Variants in TNR observed in about 807,000 individuals in gnomAD.
TNR encodes tenascin R.
Under a neutral mutation model 150.4 loss-of-function variants are expected in TNR, and 45 were observed. The ratio of observed to expected loss-of-function variants is 0.30; its 90% confidence interval spans 0.24 to 0.38. The LOEUF (loss-of-function observed/expected upper bound fraction) is 0.38, where lower values mean the gene tolerates loss of function less well. TNR is among the 10% of genes least tolerant of loss of function. The pLI is 1.00. For synonymous variants in TNR, 687 were observed against 678.4 expected, an observed-to-expected ratio of 1.01 and a Z score of -0.20; for missense variants, 1,544 against 1,759.1, an observed-to-expected ratio of 0.88 and a Z score of 2.19.
At chr1:175,335,896 A>G in intron 19 of TNR, 89 bp from the exon 20 acceptor site, 2 of 1,186,944 alleles carry the variant, frequency 1.7e-6, no homozygotes, top group Non-Finnish European at 2.4e-6. Context: ...GATAAGTAAA[A>G]TTGATATAAC....
intron 1 of TNR, among the ~76,000 whole-genome samples, chr1:175,593,982 A>ATCT (rs1317287676): frequency 1.3e-5 from 2 of 152,172 alleles, no homozygotes; most frequent in Non-Finnish European, 2.9e-5. Flanking sequence ...CACATGGTAG[A>ATCT]TCTTAGGAGG....
chr1:175,360,616 C>A (rs951914689), intron 14 of TNR, among the ~76,000 whole-genome samples: 2 of 152,160 alleles, frequency 1.3e-5, no homozygotes, highest in African/African-American at 4.8e-5. Context: ...CTTTTGAGAA[C>A]CAAGATCTGC....
intron 1 of TNR, among the ~76,000 whole-genome samples, chr1:175,710,441 T>C (rs1666979299): frequency 6.6e-6 from 1 of 152,088 alleles, no homozygotes; most frequent in Non-Finnish European, 1.5e-5. Context: ...AAAGCGTCTA[T>C]AGCTCAGTGA....
chr1:175,346,012 A>T (rs1169256084), intron 18 of TNR, among the ~76,000 whole-genome samples: 1 of 152,234 alleles, frequency 6.6e-6, no homozygotes, highest in African/African-American at 2.4e-5. Flanking sequence ...ATTTGAGAAG[A>T]TAATGGAATA....
At chr1:175,691,206 C>CAGAACAAGGTGGCTCTGCAGAG (rs1216012654) in intron 1 of TNR, among the ~76,000 whole-genome samples, 1 of 152,072 alleles carries the variant, frequency 6.6e-6, no homozygotes, top group Admixed American at 6.5e-5. Context: ...CTCTGCAGAG[C>CAGAACAAGGTGGCTCTGCAGAG]AGGATGGGAA....
At chr1:175,429,464 CA>C (rs1441509359) in intron 2 of TNR, among the ~76,000 whole-genome samples, 4 of 152,086 alleles carry the variant, frequency 2.6e-5, no homozygotes, top group African/African-American at 9.7e-5. Context: ...GTGAAATGGG[CA>C]AAATAGAGTT....
intron 1 of TNR, among the ~76,000 whole-genome samples, chr1:175,567,820 A>C (rs987864564): frequency 6.6e-6 from 1 of 152,190 alleles, no homozygotes; most frequent in East Asian, 1.9e-4. Flanking sequence ...TTTCATGTGA[A>C]TGAAGTGGGA....
rs60156101 is a variant in TNR, at chr1:175,459,410, T to C, written c.-63-52633A>G. On this transcript the variant is annotated intron_variant, in intron 2 of 22. Coordinates refer to ENST00000367674, the MANE Select transcript of TNR (RefSeq NM_003285.3). ...CAACATGATTATGAAAATCTGCATT[T>C]TAAGGCTCACACCAGTGCAAAATGA... 7.5e-3 allele frequency among the ~76,000 whole-genome samples: 1,136 copies of C among 152,280 alleles called. 12 individuals are homozygous for C. The highest frequency in any genetic ancestry group is 0.026 in the African/African-American group (1,099 of 41,550).
At chr1:175,382,697 C>T (rs927491094) in intron 8 of TNR, among the ~76,000 whole-genome samples, 2 of 152,068 alleles carry the variant, frequency 1.3e-5, no homozygotes, top group African/African-American at 2.4e-5. Context: ...GTCAGGAGAT[C>T]GAGACCATCC....
At chr1:175,687,093 A>G (rs1007720689) in intron 1 of TNR, among the ~76,000 whole-genome samples, 1 of 152,160 alleles carries the variant, frequency 6.6e-6, no homozygotes, top group Non-Finnish European at 1.5e-5. Flanking sequence ...GCTCAGCCCC[A>G]GACATTCCCA....
At chr1:175,539,124 C>T (rs894472287) in intron 1 of TNR, 1 of 152,218 alleles carries the variant, frequency 6.6e-6, no homozygotes, top group Non-Finnish European at 1.5e-5. Context: ...TTGAAAAACA[C>T]CAGAGGCATG....
intron 1 of TNR, among the ~76,000 whole-genome samples, chr1:175,609,035 C>T (rs142213617): frequency 3.6e-4 from 55 of 152,332 alleles, no homozygotes; most frequent in Non-Finnish European, 6.5e-4. Flanking sequence ...CTCCTCACAG[C>T]ACTGTGTGTT....
intron 22 of TNR, among the ~76,000 whole-genome samples, chr1:175,324,047 TGGG>T (rs887637032): frequency 2.6e-5 from 4 of 152,178 alleles, no homozygotes; most frequent in Admixed American, 2.6e-4. Flanking sequence ...TCTACCTTCC[TGGG>T]ACCATTTTTA....
At chr1:175,514,752 A>G (rs1447222329) in intron 2 of TNR, among the ~76,000 whole-genome samples, 1 of 152,202 alleles carries the variant, frequency 6.6e-6, no homozygotes, top group African/African-American at 2.4e-5. Flanking sequence ...AAAAACTCAG[A>G]CCTGATTAAA....
intron 1 of TNR, among the ~76,000 whole-genome samples, chr1:175,701,241 C>T (rs1382199057): frequency 6.6e-6 from 1 of 152,084 alleles, no homozygotes; most frequent in South Asian, 2.1e-4. Flanking sequence ...TGCTGTGCTC[C>T]TGCCTCTCAT....
At chr1:175,654,829 C>T (rs1281900754) in intron 1 of TNR, among the ~76,000 whole-genome samples, 3 of 151,586 alleles carry the variant, frequency 2.0e-5, no homozygotes, top group Non-Finnish European at 4.4e-5. Flanking sequence ...CGCCATTCTC[C>T]CGCCTCAGCC....
chr1:175,399,764 G>A (rs1360324852), intron 4 of TNR, among the ~76,000 whole-genome samples: 1 of 152,236 alleles, frequency 6.6e-6, no homozygotes, highest in African/African-American at 2.4e-5. Context: ...TGCTGTTAAA[G>A]AGGAATAAAC....
At position 175,321,315 on chromosome 1, in the gene TNR, A is replaced by G. The variant is rs1397015462; in HGVS notation, c.*2042T>C. 3.9e-5 allele frequency: 6 copies of G among 152,208 alleles called. No individual in the cohort carries two copies. The highest frequency in any genetic ancestry group is 2.0e-4 in the Admixed American group (3 of 15,278). The allele number at this position is 152,208 out of a possible 1,614,324, so 9.4% of individuals were successfully genotyped here. ...GCGGCAAGGGAAGCGCCTCCATTCA[A>G]TGGTGGCTGGCTGCATCCCCATGAG... On this transcript the variant is annotated 3_prime_UTR_variant, in exon 23 of 23. Transcript: ENST00000367674.
rs747065006 is a variant in TNR at position 175,363,769 on chromosome 1, G to T, written c.2646C>A (p.Val882=). 2.5e-6 allele frequency: 4 copies of T among 1,613,932 alleles called. No individual in the cohort carries two copies. The South Asian group carries it at 3.3e-5, about 13-fold the overall frequency. The change falls in exon 13 of 23, where the codon GTC becomes GTA. Residue 882 remains valine, a synonymous_variant. Coordinates refer to ENST00000367674, the MANE Select transcript of TNR (RefSeq NM_003285.3). ...ISNVTKDSVM[V]SWSPPVASFD... Reference sequence around the variant, plus strand: ...AAGATGCAACAGGAGGGCTCCAGGAGACCATCACTGAGTCCTTGGTCACAT... The same window carrying T: ...AAGATGCAACAGGAGGGCTCCAGGATACCATCACTGAGTCCTTGGTCACAT...
Sources: allele counts gnomAD v4.1 joint callset (sites outside exome capture counted in the v4.1 genomes callset), GRCh38; gene constraint gnomAD v4.1.1; transcripts MANE v1.5; gene names NCBI Gene and HGNC (gene_info 2026-07-23, HGNC 2026-07-21).